TRAPPC13: variants seen among roughly 807,000 people sequenced by gnomAD.
TRAPPC13 encodes the protein REV7-interacting novel NHEJ regulator 1.
Under a neutral mutation model 54.0 loss-of-function variants are expected in TRAPPC13, and 39 were observed. That is an observed-to-expected ratio of 0.72 (90% CI 0.56 to 0.94). The LOEUF (loss-of-function observed/expected upper bound fraction) is 0.94, where lower values mean the gene tolerates loss of function less well. TRAPPC13 is among the 40% of genes least tolerant of loss of function. The pLI is 0.00. For missense variants in TRAPPC13, 386 were observed against 488.1 expected, an observed-to-expected ratio of 0.79 and a Z score of 1.97; for synonymous variants, 148 against 167.7, an observed-to-expected ratio of 0.88 and a Z score of 0.91.
At chr5:65,647,436 A>T (rs2150679770) in intron 5 of TRAPPC13, among the ~76,000 whole-genome samples, 1 of 152,308 alleles carries the variant, frequency 6.6e-6, no homozygotes. Context: ...GAAAAGCTGT[A>T]CAAAATGTTT....
chr5:65,635,002 A>G lies in TRAPPC13; in HGVS notation c.47-299A>G, dbSNP rs1755695300. On this transcript the variant is annotated intron_variant, in intron 1 of 12. Transcript: ENST00000399438. ...TTTTTTAAAGCCTTATGCTCCTAAT[A>G]CTCTTTAAGCTTTAAAAATTATATT... 1.2e-5 allele frequency: 10 copies of G among 859,746 alleles called. No individual in the cohort carries two copies. In the South Asian group the frequency reaches 4.4e-4, roughly 38 times the overall value. 53.3% of individuals were successfully genotyped at this position (859,746 alleles called of 1,614,324 possible).
chr5:65,652,575 T>C (rs1370339895), intron 7 of TRAPPC13, 30 bp downstream of exon 7: 3 of 1,504,132 alleles, frequency 2.0e-6, no homozygotes, highest in Non-Finnish European at 2.8e-6. Flanking sequence ...TGGGATTTCA[T>C]ATTAAACATT....
At chr5:65,631,069 A>T (rs1755524917) in intron 1 of TRAPPC13, among the ~76,000 whole-genome samples, 1 of 152,252 alleles carries the variant, frequency 6.6e-6, no homozygotes, top group Admixed American at 6.5e-5. Context: ...TTGTAGAAGC[A>T]TGTATGTTTG....
At chr5:65,633,757 A>G (rs1355011662) in intron 1 of TRAPPC13, among the ~76,000 whole-genome samples, 1 of 151,998 alleles carries the variant, frequency 6.6e-6, no homozygotes, top group East Asian at 1.9e-4. Context: ...TTAGACTATA[A>G]TAAATATTCA....
At chr5:65,650,270 TC>T (rs1181508492) in intron 5 of TRAPPC13, among the ~76,000 whole-genome samples, 1 of 148,328 alleles carries the variant, frequency 6.7e-6, no homozygotes, top group African/African-American at 2.5e-5. Context: ...CAAGCGATTC[TC>T]CTGCCTCAGC....
intron 3 of TRAPPC13, among the ~76,000 whole-genome samples, 175 bp from the exon 4 acceptor site, chr5:65,637,521 C>T (rs1184944863): frequency 4.6e-5 from 7 of 151,560 alleles, no homozygotes; most frequent in Non-Finnish European, 8.8e-5. Context: ...GTCTCAGCTA[C>T]TCGGGAGGCT....
Position 65,637,769 on chromosome 5 carries a change from A to G in TRAPPC13, c.289A>G (p.Ile97Val). 6.4e-7 allele frequency: 1 copy of G among 1,556,794 alleles called. No homozygotes were observed. The highest frequency in any genetic ancestry group is 8.7e-7 in the Non-Finnish European group (1 of 1,146,448). The change falls in exon 4 of 13, where the codon ATA (isoleucine) becomes GTA (valine). Residue 97 changes from isoleucine (I) to valine (V), a missense_variant. Ile to Val is a conservative substitution (Grantham distance 29, BLOSUM62 3). Coordinates refer to ENST00000399438, the MANE Select transcript of TRAPPC13 (RefSeq NM_024941.4). ...TGATAGCAATCAAGTTGTAAAAGAC[A>G]TATTAGTAAAAGTAAGTAACATTCT... is the stretch of plus-strand genomic sequence containing the variant. ...HNDSNQVVKD[I>V]LVKADLQTSS...
chr5:65,637,639 A>AG, intron 3 of TRAPPC13, 57 bp from the exon 4 acceptor site: 1 of 1,115,578 alleles, frequency 9.0e-7, no homozygotes, highest in East Asian at 2.7e-5. Context: ...TCAAAAAAAA[A>AG]AAAAAAGAAA....
Position 65,665,892 on chromosome 5 carries a change from C to A in TRAPPC13, c.*1281C>A, listed in dbSNP as rs1219950414. 1.3e-5 allele frequency: 2 copies of A among 152,528 alleles called. No homozygotes were observed. The highest frequency in any genetic ancestry group is 4.8e-5 in the African/African-American group (2 of 41,432). The allele number at this position is 152,528 out of a possible 1,614,324, so 9.4% of individuals were successfully genotyped here. A position where few individuals can be genotyped will look rare whatever the true frequency, so the allele number is the denominator to read the frequency against. On this transcript the variant is annotated 3_prime_UTR_variant, in exon 13 of 13. Transcript: ENST00000399438. ...AAATTCAAGAATGTATATATAATTT[C>A]TTAAATGTAAGAGTGCATTAAATCA...
intron 7 of TRAPPC13, among the ~76,000 whole-genome samples, chr5:65,653,467 A>C (rs982012065): frequency 6.6e-6 from 1 of 152,214 alleles, no homozygotes; most frequent in Non-Finnish European, 1.5e-5. Context: ...CTAAGATGTC[A>C]AAGTTAAGGA....
intron 6 of TRAPPC13, 118 bp downstream of exon 6, chr5:65,651,000 T>G: frequency 2.8e-6 from 2 of 721,218 alleles, no homozygotes; most frequent in Non-Finnish European, 4.8e-6. Context: ...TAGCTCAATA[T>G]TTTTGAATGT....
Position 65,665,689 on chromosome 5 carries a change from G to C in TRAPPC13, c.*1078G>C, listed in dbSNP as rs1211054155. On this transcript the variant is annotated 3_prime_UTR_variant, in exon 13 of 13. Transcript: ENST00000399438. ...GATATGATTTTAAACTCTAAATCAT[G>C]TGTTACTGTTACAAAACTTTCTCTC... is the stretch of plus-strand genomic sequence containing the variant. The C allele has an allele frequency of 6.6e-6, 1 of 152,010 alleles. No homozygotes were observed. Among genetic ancestry groups the C allele is most frequent in the Non-Finnish European group, 1.5e-5 (1 of 67,966 alleles). 9.4% of individuals were successfully genotyped at this position (152,010 alleles called of 1,614,324 possible).
rs73763179 is a variant in TRAPPC13, at chr5:65,662,000, G to A, written c.898-50G>A. The A allele has an allele frequency of 1.4e-3, 1,900 of 1,393,258 alleles. 14 individuals carry two copies. In the African/African-American group the frequency reaches 0.021, roughly 16 times the overall value. The allele number at this position is 1,393,258 out of a possible 1,614,324, so 86.3% of individuals were successfully genotyped here. A position where few individuals can be genotyped will look rare whatever the true frequency, so the allele number is the denominator to read the frequency against. On this transcript the variant is annotated intron_variant, in intron 10 of 12. Coordinates refer to ENST00000399438, the MANE Select transcript of TRAPPC13 (RefSeq NM_024941.4). ...GCTGCTGTGGTGCCTTCATTAAAAT[G>A]GAAAGGTTTTGTGATAGATATACAT...
chr5:65,653,134 C>CCAAAAAAAAAAAA (rs534056801), intron 7 of TRAPPC13, among the ~76,000 whole-genome samples: 1 of 114,222 alleles, frequency 8.8e-6, no homozygotes, highest in African/African-American at 3.2e-5. Flanking sequence ...AGAACTTGCC[C>CCAAAAAAAAAAAA]AAAAAAAAAA....
intron 3 of TRAPPC13, among the ~76,000 whole-genome samples, chr5:65,637,295 GT>G (rs1224267839): frequency 1.3e-5 from 2 of 152,180 alleles, no homozygotes; most frequent in African/African-American, 4.8e-5. Context: ...TTCAGTAAAT[GT>G]TTCTCCATTT....
chr5:65,632,486 C>T (rs986531179), intron 1 of TRAPPC13, among the ~76,000 whole-genome samples: 7 of 152,070 alleles, frequency 4.6e-5, no homozygotes, highest in African/African-American at 1.7e-4. Flanking sequence ...CATGACATTC[C>T]AGGTTTATGG....
At chr5:65,652,415 T>C in intron 6 of TRAPPC13, 86 bp from the exon 7 acceptor site, 1 of 894,006 alleles carries the variant, frequency 1.1e-6, no homozygotes, top group South Asian at 1.7e-5. Context: ...GGAAAATGAC[T>C]GACAAACTTA....
rs894080372 is a variant in TRAPPC13 at position 65,639,727 on chromosome 5, C to T, written c.300+1947C>T. 6.6e-5 allele frequency among the ~76,000 whole-genome samples: 10 copies of T among 152,300 alleles called. No individual in the cohort carries two copies. In the South Asian group the frequency reaches 1.2e-3, roughly 19 times the overall value. On this transcript the variant is annotated intron_variant, in intron 4 of 12. Coordinates refer to ENST00000399438, the MANE Select transcript of TRAPPC13 (RefSeq NM_024941.4). ...TTTGTGTTAGAAAGACTGATATGAGCACATTGTGTGGGATGCTTTGTAGAA... is the reference window on the plus strand; with the variant it reads ...TTTGTGTTAGAAAGACTGATATGAGTACATTGTGTGGGATGCTTTGTAGAA...
intron 5 of TRAPPC13, among the ~76,000 whole-genome samples, chr5:65,649,888 A>G (rs467843): frequency 0.61 from 87,585 of 143,232 alleles, 26,665 homozygotes; most frequent in South Asian, 0.65. Context: ...ATGGAGTCTT[A>G]CTCTGTCGCC....
Sources: gnomAD v4.1 joint callset for allele counts (sites outside exome capture counted in the v4.1 genomes callset) on GRCh38, gnomAD v4.1.1 for gene constraint, MANE v1.5 for transcripts, NCBI Gene and HGNC (gene_info 2026-07-23, HGNC 2026-07-21) for gene names.